The following E2F8 variants were observed in gnomAD, a reference collection of about 807,000 sequenced individuals.
E2F8 encodes the protein E2F transcription factor 8, also known as transcription factor E2F8.
Under a neutral mutation model 80.8 loss-of-function variants are expected in E2F8, and 35 were observed. That is an observed-to-expected ratio of 0.43 (90% CI 0.33 to 0.57). The LOEUF (loss-of-function observed/expected upper bound fraction) is 0.57, where lower values mean the gene tolerates loss of function less well. E2F8 is among the 20% of genes least tolerant of loss of function. The pLI is 0.04. For synonymous variants in E2F8, 386 were observed against 395.0 expected, an observed-to-expected ratio of 0.98 and a Z score of 0.27; for missense variants, 975 against 1,056.2, an observed-to-expected ratio of 0.92 and a Z score of 1.07.
At chr11:19,230,381 C>T in intron 8 of E2F8, 53 bp from the exon 9 acceptor site, 3 of 1,555,958 alleles carry the variant, frequency 1.9e-6, no homozygotes, top group Non-Finnish European at 2.6e-6. Flanking sequence ...AACAAATGTT[C>T]ACACAGATGA....
At chr11:19,231,630 A>T (rs948487694) in intron 7 of E2F8, among the ~76,000 whole-genome samples, 1 of 152,222 alleles carries the variant, frequency 6.6e-6, no homozygotes, top group African/African-American at 2.4e-5. Flanking sequence ...CTACTTTGAT[A>T]CCAGAGTGAA....
In E2F8 at chr11:19,230,330, T is replaced by A; in HGVS notation, c.1271-2A>T. 1 of 1,612,764 alleles carries A rather than the reference T, an allele frequency of 6.2e-7. No individual in the cohort carries two copies. The highest frequency in any genetic ancestry group is 8.5e-7 in the Non-Finnish European group (1 of 1,179,592). On this transcript the variant is annotated splice_acceptor_variant, in intron 8 of 12. Transcript: ENST00000250024. LOFTEE classifies it high-confidence loss of function. ...GTGCAGAATTCTGAGAACTCTCAGC[T>A]GGTAAAATAGAAAGGAAGAGAGCAC...
chr11:19,232,142 A>G, intron 7 of E2F8, 92 bp downstream of exon 7: 2 of 1,529,578 alleles, frequency 1.3e-6, no homozygotes, highest in Non-Finnish European at 1.8e-6. Flanking sequence ...ACACATGGAC[A>G]CAGGGAGGGG....
At chr11:19,234,268 C>A in intron 6 of E2F8, 92 bp downstream of exon 6, 1 of 1,390,710 alleles carries the variant, frequency 7.2e-7, no homozygotes, top group Non-Finnish European at 9.8e-7. Context: ...TCTGTTTATG[C>A]ACCTATGTTT....
At position 19,225,205 on chromosome 11, in the gene E2F8, G is replaced by A; in HGVS notation, c.2421+16C>T. On this transcript the variant is annotated intron_variant, in intron 12 of 12. Coordinates refer to ENST00000250024, the MANE Select transcript of E2F8 (RefSeq NM_024680.4). Reference sequence around the variant, plus strand: ...GTAATTCCAGGAAAAATTAAATTAAGTAGAAAGCCTCTCACCTGTTGTGCC... The same window carrying A: ...GTAATTCCAGGAAAAATTAAATTAAATAGAAAGCCTCTCACCTGTTGTGCC... 1.9e-6 allele frequency: 3 copies of A among 1,604,620 alleles called. No individual in the cohort carries two copies. The South Asian group carries it at 3.3e-5, about 18-fold the overall frequency.
chr11:19,233,561 C>T (rs1326240460), intron 6 of E2F8, among the ~76,000 whole-genome samples: 1 of 152,030 alleles, frequency 6.6e-6, no homozygotes, highest in Non-Finnish European at 1.5e-5. Context: ...GATCTCGGCT[C>T]ACTGCAAGCG....
At position 19,224,497 on chromosome 11, in the gene E2F8, G is replaced by GTATA. The variant is rs1554970934; in HGVS notation, c.*157_*160dup. 9.4e-3 allele frequency: 3,723 copies of GTATA among 397,920 alleles called. 93 individuals carry two copies. The highest frequency in any genetic ancestry group is 0.04 in the African/African-American group (1,909 of 48,150). 24.6% of individuals were successfully genotyped at this position (397,920 alleles called of 1,614,324 possible). ...TGTGTGTGTGTGTGTGTGTGTGTGT[G>GTATA]TATATATATATATGTATGAAAACAA... On this transcript the variant is annotated 3_prime_UTR_variant, in exon 13 of 13. Coordinates refer to ENST00000250024, the MANE Select transcript of E2F8 (RefSeq NM_024680.4).
chr11:19,224,495 G>GTATA lies in E2F8; in HGVS notation c.*162_*163insTATA, dbSNP rs1259883172. ...TGTGTGTGTGTGTGTGTGTGTGTGT[G>GTATA]TGTATATATATATATGTATGAAAAC... On this transcript the variant is annotated 3_prime_UTR_variant, in exon 13 of 13. Transcript: ENST00000250024. 50 of 444,106 alleles carry GTATA rather than the reference G, an allele frequency of 1.1e-4. No individual in the cohort carries two copies. The highest frequency in any genetic ancestry group is 1.1e-3 in the African/African-American group (48 of 45,374). The allele number at this position is 444,106 out of a possible 1,614,324, so 27.5% of individuals were successfully genotyped here.
chr11:19,229,887 G>T lies in E2F8; in HGVS notation c.1460C>A (p.Ala487Glu). 1 of 1,614,068 alleles carries T rather than the reference G, an allele frequency of 6.2e-7. No individual in the cohort carries two copies. Among genetic ancestry groups the T allele is most frequent in the Non-Finnish European group, 8.5e-7 (1 of 1,180,024 alleles). Residue 487 changes from alanine to glutamate, a missense_variant, in exon 10 of 13, where the codon GCA (alanine) becomes GAA (glutamate). Coordinates refer to ENST00000250024, the MANE Select transcript of E2F8 (RefSeq NM_024680.4). The surrounding 1 kb of genome is among the most constrained non-coding windows in gnomAD (Gnocchi z 4.3). ...PPVNAEMELT[A>E]PSLIQPLGMV... ...TCCCAGGGGCTGGATGAGGGACGGT[G>T]CTGTCAGCTCCATCTCAGCATTCAC...
At chr11:19,241,365 G>A (rs576512242), upstream of E2F8, 42 of 154,244 alleles carry the variant, frequency 2.7e-4, no homozygotes, top group South Asian at 7.0e-3. This position sits in a 1 kb window ranked among gnomAD's most constrained non-coding sequence, Gnocchi z 4.5. Flanking sequence ...CTCTCCCGGT[G>A]CCGTGTCGCC....
chr11:19,226,019 AGAG>A (rs1851228436), intron 10 of E2F8, 155 bp from the exon 11 acceptor site: 6 of 772,840 alleles, frequency 7.8e-6, no homozygotes, highest in Non-Finnish European at 6.3e-6. Context: ...CCTGGCTCCT[AGAG>A]GAGAATACCC....
intron 10 of E2F8, among the ~76,000 whole-genome samples, chr11:19,228,918 A>G (rs1354910689): frequency 6.6e-6 from 1 of 152,244 alleles, no homozygotes; most frequent in East Asian, 1.9e-4. Context: ...AAACCAATAC[A>G]TGAACTATAT....
chr11:19,234,476 T>C lies in E2F8; in HGVS notation c.812A>G (p.Gln271Arg). Residue 271 changes from glutamine (Q) to arginine (R), a missense_variant, in exon 6 of 13, where the codon CAG becomes CGG. Coordinates refer to ENST00000250024, the MANE Select transcript of E2F8 (RefSeq NM_024680.4). ...RKDKSLRVMS[Q>R]KFVMLFLVST... ...CACCAAAAACAGCATCACAAATTTC[T>C]GGCTCATTACCCTTAAAGACTTGTC... 6.2e-7 allele frequency: 1 copy of C among 1,614,238 alleles called. No homozygotes were observed.
chr11:19,234,888 T>C lies in E2F8; in HGVS notation c.622A>G (p.Met208Val), dbSNP rs764326785. ...EENKYAEQIM[M>V]IKKKEYEQEF... ...TGCTCATATTCTTTCTTTTTGATCA[T>C]CATAATCTGCTCGGCGTACTTATTC... is the stretch of plus-strand genomic sequence containing the variant. Residue 208 changes from methionine to valine, a missense_variant, in exon 5 of 13, where the codon ATG becomes GTG. Met to Val is a conservative substitution (Grantham distance 21, BLOSUM62 1). Transcript: ENST00000250024. 6.2e-7 allele frequency: 1 copy of C among 1,614,200 alleles called. No individual in the cohort carries two copies. The highest frequency in any genetic ancestry group is 1.1e-5 in the South Asian group (1 of 91,086).
chr11:19,240,306 C>A, intron 1 of E2F8, 76 bp from the exon 2 acceptor site: 1 of 378,096 alleles, frequency 2.6e-6, no homozygotes, highest in Non-Finnish European at 4.9e-6. Context: ...CCTTCACGGA[C>A]AAGAGGCTAC....
chr11:19,226,240 A>G (rs556426877), intron 10 of E2F8, among the ~76,000 whole-genome samples: 4 of 152,358 alleles, frequency 2.6e-5, no homozygotes, highest in African/African-American at 9.6e-5. Flanking sequence ...TGAATTATGT[A>G]GAACGGTATT....
chr11:19,237,573 G>C, intron 3 of E2F8, 103 bp from the exon 4 acceptor site: 1 of 1,251,754 alleles, frequency 8.0e-7, no homozygotes, highest in Non-Finnish European at 1.1e-6. Flanking sequence ...CACACGCTTA[G>C]CTTCAACAGC....
chr11:19,229,794 C>A lies in E2F8; in HGVS notation c.1553G>T (p.Gly518Val). The A allele has an allele frequency of 5.0e-6, 8 of 1,613,850 alleles. No individual in the cohort carries two copies. Among genetic ancestry groups the A allele is most frequent in the Non-Finnish European group, 6.8e-6 (8 of 1,179,906 alleles). Residue 518 changes from glycine to valine, a missense_variant, in exon 10 of 13, where the codon GGC becomes GTC. Physicochemically the swap from Gly to Val is moderately radical, Grantham distance 109. Coordinates refer to ENST00000250024, the MANE Select transcript of E2F8 (RefSeq NM_024680.4). The surrounding 1 kb of genome is among the most constrained non-coding windows in gnomAD (Gnocchi z 4.3). ...CTGCAGGTAGATGGCATAGGATGGG[C>A]CTGAAGGGGCCTGAGGTAGGATCAG... is the stretch of plus-strand genomic sequence containing the variant. The part of the protein sequence containing the change: ...VPLILPQAPS[G>V]PSYAIYLQPT...
At chr11:19,234,270 C>T in intron 6 of E2F8, 90 bp downstream of exon 6, 3 of 1,430,814 alleles carry the variant, frequency 2.1e-6, no homozygotes, top group South Asian at 1.4e-5. Flanking sequence ...TGTTTATGCA[C>T]CTATGTTTCC....
Sources: gnomAD v4.1 joint callset for allele counts (sites outside exome capture counted in the v4.1 genomes callset) on GRCh38, gnomAD v4.1.1 for gene constraint, Gnocchi (gnomAD v3.1) non-coding constraint, MANE v1.5 for transcripts, NCBI Gene and HGNC (gene_info 2026-07-23, HGNC 2026-07-21) for gene names.